ROBO2: variants seen among roughly 807,000 people sequenced by gnomAD.
ROBO2 encodes roundabout guidance receptor 2.
ROBO2 carries 53 observed loss-of-function variants against 160.8 expected under a neutral mutation model. The observed-to-expected ratio is 0.33, with a 90% CI of 0.26 to 0.41. The LOEUF is 0.41. Ranked by LOEUF, ROBO2 falls within the 10% of genes least tolerant of loss-of-function variation. The pLI is 1.00. For missense variants in ROBO2, 1,577 were observed against 1,722.4 expected, an observed-to-expected ratio of 0.92 and a Z score of 1.49; for synonymous variants, 664 against 611.7, an observed-to-expected ratio of 1.09 and a Z score of -1.26.
intron 2 of ROBO2, among the ~76,000 whole-genome samples, chr3:77,107,349 A>G (rs2072947526): frequency 6.6e-6 from 1 of 152,166 alleles, no homozygotes; most frequent in Admixed American, 6.5e-5. Context: ...GTTTGGATGC[A>G]ATGACAGACA....
At chr3:76,793,455 C>A (rs909260319) in intron 2 of ROBO2, among the ~76,000 whole-genome samples, 27 of 151,904 alleles carry the variant, frequency 1.8e-4, no homozygotes, top group African/African-American at 6.3e-4. Context: ...TGAGAACTTC[C>A]TGATAAAATT....
intron 2 of ROBO2, among the ~76,000 whole-genome samples, chr3:76,948,874 T>TTATATATATATATATATATATA (rs71104642): frequency 6.2e-5 from 3 of 48,610 alleles, no homozygotes; most frequent in African/African-American, 3.2e-4. Flanking sequence ...CCGGCTAATT[T>TTATATATATATATATATATATA]TATATATATA....
chr3:76,392,459 T>G (rs1191846826), intron 2 of ROBO2, among the ~76,000 whole-genome samples: 1 of 152,156 alleles, frequency 6.6e-6, no homozygotes, highest in Non-Finnish European at 1.5e-5. Flanking sequence ...AAATTCCTGT[T>G]ATACTAAATT....
chr3:77,589,330 G>T (rs574332184), intron 17 of ROBO2, among the ~76,000 whole-genome samples: 1 of 152,176 alleles, frequency 6.6e-6, no homozygotes, highest in Non-Finnish European at 1.5e-5. Flanking sequence ...CAGGAAAGAA[G>T]AAAAGTTTGA....
At chr3:77,164,619 G>A (rs2078831441) in intron 2 of ROBO2, among the ~76,000 whole-genome samples, 1 of 132,344 alleles carries the variant, frequency 7.6e-6, no homozygotes, top group African/African-American at 2.9e-5. Context: ...TGGGAAGTGA[G>A]GAGCCCCTCT....
At chr3:76,636,395 T>A (rs937154253) in intron 2 of ROBO2, among the ~76,000 whole-genome samples, 3 of 152,190 alleles carry the variant, frequency 2.0e-5, no homozygotes, top group Admixed American at 6.5e-5. Flanking sequence ...TAGTGATAAT[T>A]AGACAATGTC....
chr3:76,029,278 G>A (rs1339538428), intron 2 of ROBO2, among the ~76,000 whole-genome samples: 4 of 151,898 alleles, frequency 2.6e-5, no homozygotes, highest in Non-Finnish European at 5.9e-5. Context: ...TTTGTTAACT[G>A]TGTTTAATAA....
At chr3:76,532,165 C>A (rs2082265192) in intron 2 of ROBO2, among the ~76,000 whole-genome samples, 1 of 152,160 alleles carries the variant, frequency 6.6e-6, no homozygotes, top group African/African-American at 2.4e-5. Flanking sequence ...TTCTGTTCTC[C>A]TTTTCTTCTC....
chr3:77,193,093 T>C (rs995915435), intron 2 of ROBO2, among the ~76,000 whole-genome samples: 7 of 152,146 alleles, frequency 4.6e-5, no homozygotes, highest in African/African-American at 1.7e-4. Context: ...ATTTAGTTTT[T>C]TAATGTGGTA....
intron 2 of ROBO2, among the ~76,000 whole-genome samples, chr3:77,374,303 A>G (rs956247086): frequency 2.6e-5 from 4 of 151,976 alleles, no homozygotes; most frequent in Admixed American, 6.6e-5. Flanking sequence ...AATATCCTGA[A>G]CCATTAAATC....
chr3:77,076,012 C>T (rs1391547674), intron 1 of ROBO2, among the ~76,000 whole-genome samples: 1 of 151,552 alleles, frequency 6.6e-6, no homozygotes, highest in African/African-American at 2.4e-5. Flanking sequence ...TTATGGCATC[C>T]TAATGGGACT....
At chr3:77,397,588 T>A (rs1462398233) in intron 2 of ROBO2, among the ~76,000 whole-genome samples, 1 of 152,160 alleles carries the variant, frequency 6.6e-6, no homozygotes, top group East Asian at 1.9e-4. Context: ...CCCTCCTGTG[T>A]ATTTACTAGC....
Position 75,910,973 on chromosome 3 carries a change from T to C in ROBO2, c.-14+4013T>C, listed in dbSNP as rs551347059. ...TAAATATTATAAAAGTTATAGAAAA[T>C]TATGTTTACAATACAAATATACACT... On this transcript the variant is annotated intron_variant, in intron 1 of 26. Coordinates refer to the ROBO2 transcript ENST00000487694. Among the ~76,000 whole-genome samples the C allele has an allele frequency of 2.0e-5, 3 of 151,958 alleles. No homozygotes were observed. In the East Asian group the frequency reaches 5.8e-4, roughly 29 times the overall value.
rs11449199 is a variant in ROBO2, at chr3:77,244,952, C to CTTT, written c.388+146621_388+146623dup. Among the ~76,000 whole-genome samples, 866 of 145,226 alleles carry CTTT rather than the reference C, an allele frequency of 6.0e-3. 11 individuals are homozygous for CTTT. Among genetic ancestry groups the CTTT allele is most frequent in the African/African-American group, 0.017 (657 of 39,690 alleles). On this transcript the variant is annotated intron_variant, in intron 2 of 25. Transcript: ENST00000461745. ...GAAGTATATGTGAACAAATGAACAG[C>CTTT]TTTTTTTTTTTATCAAAAAAGCAAA...
intron 2 of ROBO2, among the ~76,000 whole-genome samples, chr3:76,750,583 A>C (rs1465319542): frequency 2.0e-5 from 3 of 152,292 alleles, no homozygotes; most frequent in Admixed American, 1.3e-4. Flanking sequence ...TAAGCTGATA[A>C]GCAACTTCAG....
intron 2 of ROBO2, among the ~76,000 whole-genome samples, chr3:77,235,089 T>A (rs1459887019): frequency 2.6e-5 from 4 of 152,220 alleles, no homozygotes; most frequent in African/African-American, 9.6e-5. Flanking sequence ...TTATATCTTC[T>A]CCCAAAATAT....
intron 2 of ROBO2, among the ~76,000 whole-genome samples, chr3:76,097,614 AT>A (rs1423503292): frequency 1.3e-5 from 2 of 152,196 alleles, no homozygotes; most frequent in Non-Finnish European, 2.9e-5. Flanking sequence ...AGTGGTGGAA[AT>A]TAAAATAAAC....
chr3:76,202,942 G>A (rs1702607081), intron 2 of ROBO2, among the ~76,000 whole-genome samples: 1 of 151,956 alleles, frequency 6.6e-6, no homozygotes, highest in Non-Finnish European at 1.5e-5. Context: ...GTCTTGGACT[G>A]TTGAAATACT....
At chr3:76,990,399 CTA>C (rs2060600384) in intron 2 of ROBO2, among the ~76,000 whole-genome samples, 1 of 152,060 alleles carries the variant, frequency 6.6e-6, no homozygotes, top group Admixed American at 6.5e-5. Flanking sequence ...TTTCATGACT[CTA>C]GTTAGGAAAT....
Sources: allele counts gnomAD v4.1 joint callset (sites outside exome capture counted in the v4.1 genomes callset), GRCh38; gene constraint gnomAD v4.1.1; transcripts MANE v1.5; gene names NCBI Gene and HGNC (gene_info 2026-07-23, HGNC 2026-07-21).